The following TLK1 variants were observed in gnomAD, a reference collection of about 807,000 sequenced individuals.
TLK1 encodes the protein tousled like kinase 1, also known as serine/threonine-protein kinase tousled-like 1.
A neutral mutation model predicts 105.3 loss-of-function variants in TLK1; 24 were observed. That is an observed-to-expected ratio of 0.23 (90% CI 0.17 to 0.32). TLK1 has a LOEUF of 0.32. Among genes scored for constraint, TLK1 ranks in the 10% least tolerant of loss-of-function variants. The probability of loss-of-function intolerance (pLI) is 1.00; values close to 1 mark genes in which losing one functional copy is unlikely to be tolerated. For missense variants in TLK1, 558 were observed against 910.5 expected, an observed-to-expected ratio of 0.61 and a Z score of 4.98; for synonymous variants, 321 against 310.4, an observed-to-expected ratio of 1.03 and a Z score of -0.36.
At chr2:171,073,533 T>C (rs1688356462) in intron 3 of TLK1, among the ~76,000 whole-genome samples, 1 of 152,168 alleles carries the variant, frequency 6.6e-6, no homozygotes, top group East Asian at 1.9e-4. Context: ...TCTACCTTTA[T>C]GGAAACAGAT....
chr2:171,098,237 G>A (rs1480467120), intron 2 of TLK1, among the ~76,000 whole-genome samples: 1 of 152,062 alleles, frequency 6.6e-6, no homozygotes, highest in Admixed American at 6.6e-5. Flanking sequence ...TTTGCTAAGA[G>A]AATAGATCTT....
intron 2 of TLK1, among the ~76,000 whole-genome samples, chr2:171,107,853 G>C (rs1408688374): frequency 6.6e-6 from 1 of 152,076 alleles, no homozygotes; most frequent in African/African-American, 2.4e-5. Context: ...GAGCCCAGGA[G>C]TTAAATGCCA....
In TLK1 at chr2:171,112,040, C is replaced by G. The variant is rs1690199671; in HGVS notation, c.258+5699G>C. On this transcript the variant is annotated intron_variant, in intron 2 of 20. Coordinates refer to ENST00000431350, the MANE Select transcript of TLK1 (RefSeq NM_012290.5). ...GACCCTGGCGCACTGCAACCTCCGC[C>G]TGCCGAGTTCAAGCAATTCTCCTGC... Among the ~76,000 whole-genome samples the G allele has an allele frequency of 1.3e-5, 2 of 152,196 alleles. 1 individual carries two copies. Among genetic ancestry groups the G allele is most frequent in the South Asian group, 4.1e-4 (2 of 4,836 alleles).
At chr2:171,228,380 C>T (rs1693937699) in intron 1 of TLK1, among the ~76,000 whole-genome samples, 2 of 151,984 alleles carry the variant, frequency 1.3e-5, no homozygotes, top group Admixed American at 1.3e-4. Flanking sequence ...ACTGAAAGAC[C>T]TCATCTCTGA....
intron 1 of TLK1, among the ~76,000 whole-genome samples, chr2:171,216,281 C>T (rs544209469): frequency 1.3e-5 from 2 of 152,226 alleles, no homozygotes; most frequent in South Asian, 4.2e-4. Flanking sequence ...TTGAGACCAT[C>T]CTGGCTAATA....
intron 2 of TLK1, among the ~76,000 whole-genome samples, chr2:171,101,087 C>T (rs1429318318): frequency 2.0e-5 from 3 of 151,904 alleles, no homozygotes; most frequent in African/African-American, 7.3e-5. Context: ...GTGGCTCACA[C>T]CTGTAATCCC....
intron 14 of TLK1, among the ~76,000 whole-genome samples, chr2:171,010,391 A>G (rs1214990376): frequency 2.0e-5 from 3 of 152,192 alleles, no homozygotes; most frequent in Non-Finnish European, 4.4e-5. Flanking sequence ...TTCAAATGTG[A>G]GTTTCCAGTA....
intron 20 of TLK1, among the ~76,000 whole-genome samples, chr2:170,994,256 C>T (rs2105346949): frequency 6.6e-6 from 1 of 152,276 alleles, no homozygotes; most frequent in African/African-American, 2.4e-5. Context: ...TAGCATTTTT[C>T]TTCTGCTAAA....
intron 3 of TLK1, among the ~76,000 whole-genome samples, chr2:171,064,387 C>T (rs1182158095): frequency 1.3e-5 from 2 of 152,056 alleles, no homozygotes; most frequent in African/African-American, 4.8e-5. Flanking sequence ...AATAGTTCGA[C>T]AGCTTTTAAA....
intron 1 of TLK1, 28 bp from the exon 2 acceptor site, chr2:171,117,885 C>T (rs368051690): frequency 3.1e-5 from 43 of 1,382,808 alleles, no homozygotes; most frequent in Middle Eastern, 1.9e-4. Flanking sequence ...TATATATGTA[C>T]ACATATATAT....
At chr2:171,039,813 A>G (rs913127885) in intron 11 of TLK1, among the ~76,000 whole-genome samples, 1 of 152,180 alleles carries the variant, frequency 6.6e-6, no homozygotes, top group Admixed American at 6.5e-5. Context: ...AAAGATATCC[A>G]AAGAGGGCAA....
chr2:171,034,069 T>A (rs1686196471), intron 11 of TLK1, among the ~76,000 whole-genome samples: 2 of 152,160 alleles, frequency 1.3e-5, no homozygotes, highest in South Asian at 4.1e-4. Flanking sequence ...TACCGTGAGA[T>A]ATCACTTTAC....
chr2:171,150,066 C>T (rs16859177), intron 1 of TLK1, among the ~76,000 whole-genome samples: 20,511 of 152,086 alleles, frequency 0.13, 2,368 homozygotes, highest in African/African-American at 0.32. Context: ...AAGTCTGCAA[C>T]CCTGTGATTA....
intron 1 of TLK1, among the ~76,000 whole-genome samples, chr2:171,149,099 C>CTTT (rs11335300): frequency 9.9e-4 from 57 of 57,864 alleles, no homozygotes; most frequent in African/African-American, 1.6e-3. Flanking sequence ...AATTACTTTT[C>CTTT]TTTTTTTTTT....
At chr2:170,994,950 CAG>C (rs542277725) in intron 20 of TLK1, among the ~76,000 whole-genome samples, 3 of 152,168 alleles carry the variant, frequency 2.0e-5, no homozygotes, top group African/African-American at 7.2e-5. Context: ...TACCATTAAA[CAG>C]AAGTATAATC....
At chr2:171,081,789 G>A (rs1688765044) in intron 3 of TLK1, 16 of 962,010 alleles carry the variant, frequency 1.7e-5, no homozygotes, top group Non-Finnish European at 2.0e-5. Context: ...AGAACTGCAC[G>A]AAACTGTCTA....
intron 4 of TLK1, among the ~76,000 whole-genome samples, 175 bp from the exon 5 acceptor site, chr2:171,058,372 A>G (rs1687598385): frequency 6.6e-6 from 1 of 151,506 alleles, no homozygotes; most frequent in Non-Finnish European, 1.5e-5. Context: ...CAAATAAATG[A>G]TGTAAGTGAT....
chr2:171,189,168 T>C (rs1693094839), intron 1 of TLK1, among the ~76,000 whole-genome samples: 1 of 148,418 alleles, frequency 6.7e-6, no homozygotes, highest in South Asian at 2.1e-4. Flanking sequence ...TAGTACAATT[T>C]TTTTTTTTTT....
At chr2:171,110,064 T>A (rs1690094456) in intron 2 of TLK1, among the ~76,000 whole-genome samples, 2 of 152,212 alleles carry the variant, frequency 1.3e-5, no homozygotes, top group Admixed American at 1.3e-4. Context: ...TGTGTGGTAT[T>A]TACACTGAAC....
Sources: gnomAD v4.1 joint callset for allele counts (sites outside exome capture counted in the v4.1 genomes callset) on GRCh38, gnomAD v4.1.1 for gene constraint, MANE v1.5 for transcripts, NCBI Gene and HGNC (gene_info 2026-07-23, HGNC 2026-07-21) for gene names.